ADAMTS2: variants seen among roughly 807,000 people sequenced by gnomAD.
ADAMTS2 encodes the protein ADAM metallopeptidase with thrombospondin type 1 motif 2, also known as A disintegrin and metalloproteinase with thrombospondin motifs 2.
Under a neutral mutation model 123.0 loss-of-function variants are expected in ADAMTS2, and 50 were observed. The ratio of observed to expected loss-of-function variants is 0.41; its 90% confidence interval spans 0.32 to 0.51. The LOEUF is 0.51. Among genes scored for constraint, ADAMTS2 ranks in the 20% least tolerant of loss-of-function variants. ADAMTS2 has a pLI of 0.35. For synonymous variants in ADAMTS2, 678 were observed against 695.4 expected, an observed-to-expected ratio of 0.98 and a Z score of 0.39; for missense variants, 1,494 against 1,705.2, an observed-to-expected ratio of 0.88 and a Z score of 2.18.
intron 5 of ADAMTS2, among the ~76,000 whole-genome samples, chr5:179,176,593 T>C (rs1193652875): frequency 6.6e-6 from 1 of 152,154 alleles, no homozygotes; most frequent in Non-Finnish European, 1.5e-5. Flanking sequence ...CCTGTCTGTA[T>C]CCCTGGACCC....
intron 2 of ADAMTS2, among the ~76,000 whole-genome samples, chr5:179,290,472 A>G (rs1756153025): frequency 6.6e-6 from 1 of 152,156 alleles, no homozygotes; most frequent in East Asian, 1.9e-4. Context: ...GCAACACAAA[A>G]TAGACTAAAA....
chr5:179,236,462 C>A (rs78152777), intron 3 of ADAMTS2, among the ~76,000 whole-genome samples: 8,543 of 152,234 alleles, frequency 0.056, 264 homozygotes, highest in Non-Finnish European at 0.075. Flanking sequence ...AGGTGGGGAA[C>A]AAGAATGAGC....
At position 179,307,334 on chromosome 5, in the gene ADAMTS2, AC is replaced by A. The variant is rs1314879969; in HGVS notation, c.535-34271del. 6.6e-6 allele frequency among the ~76,000 whole-genome samples: 1 copy of A among 151,976 alleles called. No homozygotes were observed. Among genetic ancestry groups the A allele is most frequent in the African/African-American group, 2.4e-5 (1 of 41,360 alleles). ...CCACCGGCCCTCTCAGGGCTCGAGC[AC>A]CCGGCCAACCCTGGGTGGCCACTGC... On this transcript the variant is annotated intron_variant, in intron 2 of 21. Transcript: ENST00000251582. This position sits in a 1 kb window ranked among gnomAD's most constrained non-coding sequence, Gnocchi z 5.6.
chr5:179,339,487 C>T (rs896675913), intron 2 of ADAMTS2, among the ~76,000 whole-genome samples: 1 of 152,206 alleles, frequency 6.6e-6, no homozygotes, highest in African/African-American at 2.4e-5. Context: ...CATGCTGTCC[C>T]TTGTTTGTTT....
chr5:179,254,606 G>C (rs773399699), intron 3 of ADAMTS2, among the ~76,000 whole-genome samples: 39 of 152,300 alleles, frequency 2.6e-4, no homozygotes, highest in Non-Finnish European at 4.4e-4. Flanking sequence ...GTGAAGTCGG[G>C]GGGGCGTGCA....
intron 3 of ADAMTS2, among the ~76,000 whole-genome samples, chr5:179,213,387 G>C (rs1329912010): frequency 6.6e-6 from 1 of 152,184 alleles, no homozygotes; most frequent in Non-Finnish European, 1.5e-5. Flanking sequence ...TTCCCTCTCA[G>C]ATAGAGAACC....
chr5:179,207,720 A>G lies in ADAMTS2; in HGVS notation c.689-5T>C. ...CCAGGCTGTCCAGGGAGGCCCCTGC[A>G]AGGAGAGGACACCGTCTTCAGCGGC... On this transcript the variant is annotated splice_polypyrimidine_tract_variant and splice_region_variant and intron_variant, in intron 3 of 21. Transcript: ENST00000251582. 1.9e-6 allele frequency: 3 copies of G among 1,609,762 alleles called. No individual in the cohort carries two copies. Among genetic ancestry groups the G allele is most frequent in the Non-Finnish European group, 2.5e-6 (3 of 1,179,946 alleles).
In ADAMTS2 at chr5:179,132,767, A is replaced by T. The variant is rs748431241; in HGVS notation, c.2209+10T>A. 1 of 1,613,952 alleles carries T rather than the reference A, an allele frequency of 6.2e-7. No homozygotes were observed. Among genetic ancestry groups the T allele is most frequent in the East Asian group, 2.2e-5 (1 of 44,864 alleles). On this transcript the variant is annotated intron_variant, in intron 14 of 21. Coordinates refer to ENST00000251582, the MANE Select transcript of ADAMTS2 (RefSeq NM_014244.5). This position sits in a 1 kb window ranked among gnomAD's most constrained non-coding sequence, Gnocchi z 6.1. ...CCAGGCTCCAGGGTGGAGAGCAGGG[A>T]CCCACTCACCATGCTTCTTGGGTGA...
chr5:179,251,761 A>G (rs1161019945), intron 3 of ADAMTS2, among the ~76,000 whole-genome samples: 1 of 152,190 alleles, frequency 6.6e-6, no homozygotes, highest in East Asian at 1.9e-4. Context: ...GAAGCTGGCC[A>G]CAGAGAAGAT....
chr5:179,124,669 A>G (rs1762820099), intron 19 of ADAMTS2, among the ~76,000 whole-genome samples: 1 of 152,246 alleles, frequency 6.6e-6, no homozygotes, highest in African/African-American at 2.4e-5. Flanking sequence ...AGCTACATCC[A>G]GGCCCACGGG....
At chr5:179,310,622 G>C (rs1053216108) in intron 2 of ADAMTS2, among the ~76,000 whole-genome samples, 3 of 152,274 alleles carry the variant, frequency 2.0e-5, no homozygotes, top group African/African-American at 7.2e-5. Context: ...AGCAGCCTGG[G>C]GGCCCCCGGG....
intron 2 of ADAMTS2, among the ~76,000 whole-genome samples, chr5:179,288,358 T>G (rs1756088458): frequency 6.6e-6 from 1 of 152,218 alleles, no homozygotes; most frequent in Non-Finnish European, 1.5e-5. Flanking sequence ...TGCTTCCCCT[T>G]CTGTCCAGAG....
intron 10 of ADAMTS2, chr5:179,151,178 T>A (rs995853198): frequency 6.0e-6 from 2 of 335,672 alleles, no homozygotes; most frequent in Non-Finnish European, 1.2e-5. Context: ...ATAACAGGCA[T>A]GAGCCACCGC....
In ADAMTS2 at chr5:179,272,372, G is replaced by A. The variant is rs998355253; in HGVS notation, c.688+539C>T. ...GGAGCACCTCCAGAGTCCTTGTAGG[G>A]CACATGCCTCCAGGGATCCAGAAAG... On this transcript the variant is annotated intron_variant, in intron 3 of 21. Coordinates refer to ENST00000251582, the MANE Select transcript of ADAMTS2 (RefSeq NM_014244.5). The surrounding 1 kb of genome is among the most constrained non-coding windows in gnomAD (Gnocchi z 5.8). Among the ~76,000 whole-genome samples the A allele has an allele frequency of 5.3e-5, 8 of 152,184 alleles. No individual in the cohort carries two copies. The highest frequency in any genetic ancestry group is 1.2e-4 in the Non-Finnish European group (8 of 68,008).
chr5:179,291,733 T>C (rs1756195342), intron 2 of ADAMTS2, among the ~76,000 whole-genome samples: 1 of 151,650 alleles, frequency 6.6e-6, no homozygotes, highest in Non-Finnish European at 1.5e-5. Flanking sequence ...CCAAACGATA[T>C]TTATTTATTT....
At chr5:179,178,686 T>C (rs939115976) in intron 5 of ADAMTS2, among the ~76,000 whole-genome samples, 3 of 152,258 alleles carry the variant, frequency 2.0e-5, no homozygotes, top group Non-Finnish European at 2.9e-5. Flanking sequence ...TCTATGTGTT[T>C]CTTCCATTTT....
chr5:179,330,239 G>A (rs1475439570), intron 2 of ADAMTS2, among the ~76,000 whole-genome samples: 1 of 152,142 alleles, frequency 6.6e-6, no homozygotes, highest in Non-Finnish European at 1.5e-5. Flanking sequence ...TGCAGGCCTT[G>A]GGGAGCCAGG....
At chr5:179,276,835 G>T (rs1168330288) in intron 2 of ADAMTS2, among the ~76,000 whole-genome samples, 1 of 152,164 alleles carries the variant, frequency 6.6e-6, no homozygotes, top group East Asian at 1.9e-4. Flanking sequence ...GCCCAGGTCG[G>T]GAGCCATCGA....
Position 179,118,056 on chromosome 5 carries a change from C to A in ADAMTS2, c.3178+3605G>T, listed in dbSNP as rs750147880. 2.6e-5 allele frequency among the ~76,000 whole-genome samples: 4 copies of A among 152,058 alleles called. No individual in the cohort carries two copies. The highest frequency in any genetic ancestry group is 6.5e-5 in the Admixed American group (1 of 15,274). Reference sequence around the variant, plus strand: ...AGGGGTGGCAGCCCCAGGTGGGGTCCCCCTTCCACCTGGTCTACATACTGG... The same window carrying A: ...AGGGGTGGCAGCCCCAGGTGGGGTCACCCTTCCACCTGGTCTACATACTGG... On this transcript the variant is annotated intron_variant, in intron 21 of 21. Coordinates refer to ENST00000251582, the MANE Select transcript of ADAMTS2 (RefSeq NM_014244.5). The surrounding 1 kb of genome is among the most constrained non-coding windows in gnomAD (Gnocchi z 4.5).
Sources: allele counts gnomAD v4.1 joint callset (sites outside exome capture counted in the v4.1 genomes callset), GRCh38; gene constraint gnomAD v4.1.1; non-coding constraint Gnocchi (gnomAD v3.1); transcripts MANE v1.5; gene names NCBI Gene and HGNC (gene_info 2026-07-23, HGNC 2026-07-21).